Variants in LOC400499 observed in about 807,000 individuals in gnomAD.
chr16:11,509,148 G>A, the LOC400499 span, among the ~76,000 whole-genome samples: 6 of 143,814 alleles, frequency 4.2e-5, no homozygotes, highest in African/African-American at 1.6e-4. Context: ...AGACGGAGTC[G>A]CACTCTGTGC....
the LOC400499 span, chr16:11,392,811 C>T: frequency 0.95 from 934,833 of 981,878 alleles, 450,152 homozygotes; most frequent in Non-Finnish European, 0.99. Context: ...GCTGAGACCA[C>T]AGGAACACAT....
chr16:11,431,859 A>C, the LOC400499 span, among the ~76,000 whole-genome samples: 1 of 152,198 alleles, frequency 6.6e-6, no homozygotes, highest in African/African-American at 2.4e-5. Context: ...CCTTTGAATC[A>C]GGACTGGCCT....
chr16:11,479,936 C>T, the LOC400499 span, among the ~76,000 whole-genome samples: 7 of 152,252 alleles, frequency 4.6e-5, 1 homozygote, highest in South Asian at 4.1e-4. Flanking sequence ...TTTCATGCCA[C>T]GTATGTTTTT....
At chr16:11,436,901 G>T in the LOC400499 span, among the ~76,000 whole-genome samples, 1 of 152,012 alleles carries the variant, frequency 6.6e-6, no homozygotes, top group Non-Finnish European at 1.5e-5. Context: ...GCCTGGAAAG[G>T]TTTTAAAAGA....
At chr16:11,484,305 C>A in the LOC400499 span, among the ~76,000 whole-genome samples, 3 of 152,056 alleles carry the variant, frequency 2.0e-5, no homozygotes, top group Non-Finnish European at 4.4e-5. Flanking sequence ...CTACGCCCGG[C>A]CGCAGGAAGA....
the LOC400499 span, among the ~76,000 whole-genome samples, chr16:11,379,850 C>G: frequency 2.0e-5 from 3 of 152,202 alleles, no homozygotes; most frequent in Non-Finnish European, 4.4e-5. Flanking sequence ...GGGGATTACA[C>G]GAAACATCCT....
At chr16:11,493,857 T>A in the LOC400499 span, 11,015 of 19,680 alleles carry the variant, frequency 0.56, 1,871 homozygotes, top group Non-Finnish European at 0.6. Flanking sequence ...GGCAGTGGCG[T>A]GGGGGGCGGG....
the LOC400499 span, among the ~76,000 whole-genome samples, chr16:11,511,029 A>G: frequency 3.2e-4 from 47 of 148,476 alleles, 1 homozygote; most frequent in Non-Finnish European, 1.6e-4. Flanking sequence ...AAGGGGTCTC[A>G]CTCTGTCGCC....
chr16:11,401,936 G>C, the LOC400499 span: 1 of 398,464 alleles, frequency 2.5e-6, no homozygotes, highest in South Asian at 1.3e-4. Flanking sequence ...ATTGACCCCA[G>C]ATAAGGCTCC....
the LOC400499 span, chr16:11,398,583 C>A: frequency 1.8e-6 from 2 of 1,131,304 alleles, no homozygotes; most frequent in Non-Finnish European, 2.2e-6. Context: ...AGTTGGAGAC[C>A]CTCACCTAGG....
chr16:11,411,687 T>A, the LOC400499 span, among the ~76,000 whole-genome samples: 20 of 152,202 alleles, frequency 1.3e-4, no homozygotes, highest in Non-Finnish European at 1.5e-5. Flanking sequence ...AAGTCTTCCA[T>A]GAGTCCATCA....
chr16:11,515,866 GCCC>G, the LOC400499 span: 2 of 20,304 alleles, frequency 9.9e-5, no homozygotes, highest in African/African-American at 2.1e-4. Context: ...GCCCAGCCCA[GCCC>G]AGCCCAGCCC....
chr16:11,472,005 T>C, the LOC400499 span: 1 of 394,382 alleles, frequency 2.5e-6, no homozygotes, highest in Non-Finnish European at 4.5e-6. Flanking sequence ...TCAGCACTGC[T>C]GACATTTGGG....
the LOC400499 span, chr16:11,439,731 A>G: frequency 2.5e-6 from 1 of 393,862 alleles, no homozygotes; most frequent in African/African-American, 2.1e-5. Flanking sequence ...TCAGCCCTCA[A>G]TCTTATGCAG....
At chr16:11,378,269 C>T in the LOC400499 span, among the ~76,000 whole-genome samples, 4 of 59,172 alleles carry the variant, frequency 6.8e-5, no homozygotes, top group Admixed American at 1.5e-4. Flanking sequence ...TTTTTTTTGC[C>T]GGGGGGAGGG....
the LOC400499 span, chr16:11,411,115 C>T: frequency 7.6e-6 from 3 of 397,176 alleles, no homozygotes; most frequent in Non-Finnish European, 1.3e-5. Context: ...CGAGGGTTGC[C>T]CACCGGAGCC....
At chr16:11,399,427 G>A in the LOC400499 span, 1 of 426,328 alleles carries the variant, frequency 2.3e-6, no homozygotes, top group Non-Finnish European at 4.0e-6. Flanking sequence ...GGCAGGTGGA[G>A]CCGCCTGGGG....
the LOC400499 span, chr16:11,469,316 C>G: frequency 5.0e-6 from 2 of 399,144 alleles, no homozygotes; most frequent in Admixed American, 4.4e-5. Flanking sequence ...GCCCCTCCGT[C>G]CCCCTGGGAG....
At chr16:11,411,792 T>G in the LOC400499 span, among the ~76,000 whole-genome samples, 1 of 151,850 alleles carries the variant, frequency 6.6e-6, no homozygotes, top group Non-Finnish European at 1.5e-5. Flanking sequence ...CCTCCTCACA[T>G]AGCACCCCTC....
Sources: allele counts gnomAD v4.1 joint callset (sites outside exome capture counted in the v4.1 genomes callset), GRCh38; gene constraint gnomAD v4.1.1; transcripts MANE v1.5.